The following RNASET2 variants were observed in gnomAD, a reference collection of about 807,000 sequenced individuals.
RNASET2 encodes ribonuclease T2, also known as ribonuclease 6.
In RNASET2, 28 loss-of-function variants were observed where a neutral mutation model predicts 33.9. That is an observed-to-expected ratio of 0.83 (90% CI 0.61 to 1.13). The LOEUF is 1.13. Among genes scored for constraint, RNASET2 ranks in the 50% most tolerant of loss-of-function variants. The probability of loss-of-function intolerance (pLI) is 0.00; values close to 1 mark genes in which losing one functional copy is unlikely to be tolerated. For missense variants in RNASET2, 330 were observed against 319.9 expected (o/e 1.03, Z -0.24); for synonymous variants, 123 against 121.0 (o/e 1.02, Z -0.11).
intron 4 of RNASET2, 110 bp downstream of exon 4, chr6:166,946,572 A>G (rs1778850968): frequency 4.1e-6 from 3 of 725,642 alleles, no homozygotes; most frequent in Non-Finnish European, 7.5e-6. Flanking sequence ...ATCCTGGTGA[A>G]TACATTCATG....
At chr6:166,934,226 T>G in intron 6 of RNASET2, 90 bp from the exon 7 acceptor site, 2 of 862,810 alleles carry the variant, frequency 2.3e-6, no homozygotes, top group Admixed American at 3.6e-5. Flanking sequence ...ATGGTAAAAA[T>G]TAAGACACTC....
In RNASET2 at chr6:166,948,967, C is replaced by T. The variant is rs150923970; in HGVS notation, c.148-342G>A. On this transcript the variant is annotated intron_variant, in intron 2 of 8. Coordinates refer to ENST00000508775, the MANE Select transcript of RNASET2 (RefSeq NM_003730.6). ...CAGTGACTAATGCCTGTAATCCCAG[C>T]ACTTTGGGAGGCCAAGGCGGGTAGA... Among the ~76,000 whole-genome samples, 1,237 of 152,272 alleles carry T rather than the reference C, an allele frequency of 8.1e-3. 12 individuals are homozygous for T. Among genetic ancestry groups the T allele is most frequent in the African/African-American group, 0.028 (1,162 of 41,538 alleles).
intron 8 of RNASET2, among the ~76,000 whole-genome samples, chr6:166,930,595 T>C (rs1405106783): frequency 7.0e-6 from 1 of 143,824 alleles, no homozygotes; most frequent in Admixed American, 6.9e-5. Flanking sequence ...ACACAGCACA[T>C]GCACACATGC....
At chr6:166,931,532 A>C in intron 7 of RNASET2, 1 of 224,200 alleles carries the variant, frequency 4.5e-6, no homozygotes, top group Non-Finnish European at 9.0e-6. Context: ...CTCTCTCCCG[A>C]CCCCCTCCCC....
chr6:166,931,279 C>T (rs1008863487), intron 7 of RNASET2, 161 bp from the exon 8 acceptor site: 14 of 661,512 alleles, frequency 2.1e-5, no homozygotes, highest in Admixed American at 1.4e-4. Context: ...CCTCCACCAG[C>T]GAAGCAGAGG....
intron 4 of RNASET2, chr6:166,945,241 G>A (rs1778804828): frequency 6.3e-6 from 1 of 158,364 alleles, no homozygotes; most frequent in African/African-American, 2.4e-5. Flanking sequence ...CCATCCTCAT[G>A]CTAACTATGC....
intron 4 of RNASET2, among the ~76,000 whole-genome samples, chr6:166,945,704 C>T (rs1778819187): frequency 6.6e-6 from 1 of 151,940 alleles, no homozygotes; most frequent in South Asian, 2.1e-4. Flanking sequence ...GTGGCGCATG[C>T]CTGTAATCCC....
intron 1 of RNASET2, among the ~76,000 whole-genome samples, chr6:166,955,183 A>ACACACACACACACACGCACG (rs1554269946): frequency 1.6e-5 from 2 of 125,006 alleles, no homozygotes; most frequent in African/African-American, 7.5e-5. Context: ...TGCCACACAC[A>ACACACACACACACACGCACG]CACACGCACA....
intron 6 of RNASET2, among the ~76,000 whole-genome samples, chr6:166,935,947 A>G (rs2128644828): frequency 6.6e-6 from 1 of 152,340 alleles, no homozygotes; most frequent in African/African-American, 2.4e-5. Context: ...TGTTGGGATT[A>G]CAGGCGTGAA....
chr6:166,946,871 T>C, intron 3 of RNASET2, 132 bp from the exon 4 acceptor site: 3 of 714,208 alleles, frequency 4.2e-6, no homozygotes, highest in Middle Eastern at 2.6e-4. Flanking sequence ...GGGAATTCCT[T>C]ATCCCAGGCA....
intron 6 of RNASET2, chr6:166,934,713 A>G (rs1434685158): frequency 1.3e-5 from 2 of 156,048 alleles, no homozygotes; most frequent in African/African-American, 4.8e-5. Context: ...ACAGGTTTGT[A>G]GCCTCGAAGC....
intron 8 of RNASET2, among the ~76,000 whole-genome samples, chr6:166,930,774 C>T (rs1562492920): frequency 6.7e-6 from 1 of 149,364 alleles, no homozygotes; most frequent in African/African-American, 2.5e-5. Context: ...CATGCACACA[C>T]ATGCACACAT....
intron 6 of RNASET2, among the ~76,000 whole-genome samples, chr6:166,936,657 C>T (rs972282655): frequency 1.3e-5 from 2 of 152,114 alleles, no homozygotes; most frequent in Admixed American, 1.3e-4. Context: ...CTCGCTCACC[C>T]CTGCAAGGGG....
intron 1 of RNASET2, chr6:166,955,523 G>C (rs77406338): frequency 0.11 from 113,037 of 986,004 alleles, 6,785 homozygotes; most frequent in Non-Finnish European, 0.12. Flanking sequence ...CTGAAATTAA[G>C]TGTCCCCTCC....
chr6:166,948,396 C>T, intron 3 of RNASET2, 174 bp downstream of exon 3: 1 of 667,454 alleles, frequency 1.5e-6, no homozygotes, highest in Non-Finnish European at 2.7e-6. Flanking sequence ...AATTAAAGAA[C>T]AAGAGAATCA....
chr6:166,945,806 G>A (rs1359143642), intron 4 of RNASET2, among the ~76,000 whole-genome samples: 5 of 146,372 alleles, frequency 3.4e-5, no homozygotes, highest in Non-Finnish European at 6.1e-5. Context: ...CTCCAGCCTG[G>A]GCAACAAGAG....
rs1464098034 is a variant in RNASET2, at chr6:166,928,277, T to C, written c.*1311A>G. The stretch of plus-strand genomic sequence containing the variant: ...CTAGGATCAGGACTGCGACACCTAC[T>C]TTCTCACCGTCCCATCTGCCTGGTA... On this transcript the variant is annotated 3_prime_UTR_variant, in exon 9 of 9. Transcript: ENST00000508775. Among the ~76,000 whole-genome samples the C allele has an allele frequency of 6.6e-6, 1 of 152,212 alleles. No individual in the cohort carries two copies. Among genetic ancestry groups the C allele is most frequent in the South Asian group, 2.1e-4 (1 of 4,836 alleles).
rs193191474 is a variant in RNASET2, at chr6:166,952,564, A to C, written c.87-16T>G. The C allele has an allele frequency of 2.5e-6, 4 of 1,603,122 alleles. No individual in the cohort carries two copies. Among genetic ancestry groups the C allele is most frequent in the Middle Eastern group, 1.7e-4 (1 of 6,054 alleles). ...ATGGTTGTCACTGTTAAAACATAAGAAACTTATTTTTCAAGAACTTTTTTT... is the reference window on the plus strand; with the variant it reads ...ATGGTTGTCACTGTTAAAACATAAGCAACTTATTTTTCAAGAACTTTTTTT... On this transcript the variant is annotated splice_polypyrimidine_tract_variant and intron_variant, in intron 1 of 8. Transcript: ENST00000508775.
rs1778308949 is a variant in RNASET2, at chr6:166,926,544, A to AAAAAAG, written c.*3043_*3044insCTTTTT. Among the ~76,000 whole-genome samples the AAAAAAG allele has an allele frequency of 3.3e-5, 5 of 151,280 alleles. No homozygotes were observed. Among genetic ancestry groups the AAAAAAG allele is most frequent in the East Asian group, 1.9e-4 (1 of 5,150 alleles). On this transcript the variant is annotated 3_prime_UTR_variant, in exon 9 of 9. Coordinates refer to ENST00000508775, the MANE Select transcript of RNASET2 (RefSeq NM_003730.6). ...GTGAGACTCAGTCTCAAAAAAAAAA[A>AAAAAAG]AAAAGAAAAGAAAAGAAAAGATATC... is the stretch of plus-strand genomic sequence containing the variant.
Sources: gnomAD v4.1 joint callset for allele counts (sites outside exome capture counted in the v4.1 genomes callset) on GRCh38, gnomAD v4.1.1 for gene constraint, MANE v1.5 for transcripts, NCBI Gene and HGNC (gene_info 2026-07-23, HGNC 2026-07-21) for gene names.